The following CLIC5 variants were observed in gnomAD, a reference collection of about 807,000 sequenced individuals.
The protein encoded by CLIC5 is CLIC family member 5, also known as chloride intracellular channel protein 5.
In CLIC5, 20 loss-of-function variants were observed where a neutral mutation model predicts 24.7. The observed-to-expected ratio is 0.81, with a 90% CI of 0.57 to 1.18. CLIC5 has a LOEUF of 1.18. Among genes scored for constraint, CLIC5 ranks in the 50% most tolerant of loss-of-function variants. The probability of loss-of-function intolerance (pLI) is 0.00; values close to 1 mark genes in which losing one functional copy is unlikely to be tolerated. For missense variants in CLIC5, 341 were observed against 326.1 expected, an observed-to-expected ratio of 1.05 and a Z score of -0.35; for synonymous variants, 159 against 135.6, an observed-to-expected ratio of 1.17 and a Z score of -1.20.
At chr6:46,022,785 C>T (rs904382613) in intron 1 of CLIC5, among the ~76,000 whole-genome samples, 8 of 152,148 alleles carry the variant, frequency 5.3e-5, no homozygotes, top group African/African-American at 1.4e-4. Context: ...CCAGTGTTTT[C>T]GGGGTGTCTA....
At chr6:45,914,153 G>T in intron 5 of CLIC5, 75 bp downstream of exon 5, 3 of 1,280,970 alleles carry the variant, frequency 2.3e-6, no homozygotes, top group Non-Finnish European at 3.1e-6. Context: ...TACTGTCCTT[G>T]ACTCATCCAC....
intron 1 of CLIC5, among the ~76,000 whole-genome samples, chr6:45,984,366 G>A (rs1370533591): frequency 1.3e-5 from 2 of 152,120 alleles, no homozygotes; most frequent in Admixed American, 1.3e-4. Context: ...TCACCATGTT[G>A]GGGTGGAAGG....
chr6:45,957,077 G>C (rs573112818), intron 1 of CLIC5, among the ~76,000 whole-genome samples: 61 of 152,224 alleles, frequency 4.0e-4, no homozygotes, highest in African/African-American at 1.4e-3. Flanking sequence ...GCCAGTTATG[G>C]TGGAAGTAAC....
chr6:46,101,385 T>A, the CLIC5 span, among the ~76,000 whole-genome samples: 1 of 152,196 alleles, frequency 6.6e-6, no homozygotes, highest in Admixed American at 6.5e-5. Flanking sequence ...TACAATAAAT[T>A]TAAAGACCTT....
chr6:46,082,565 T>A (rs1195313163), upstream of CLIC5, among the ~76,000 whole-genome samples: 3 of 152,244 alleles, frequency 2.0e-5, no homozygotes, highest in African/African-American at 7.2e-5. Flanking sequence ...TTGAGCCTTG[T>A]TTCTATACCT....
the CLIC5 span, among the ~76,000 whole-genome samples, chr6:46,125,262 T>G: frequency 6.6e-6 from 1 of 152,196 alleles, no homozygotes; most frequent in Non-Finnish European, 1.5e-5. Flanking sequence ...AATAATGAGT[T>G]CATGTCCTTT....
chr6:46,042,908 A>G (rs1767847795), intron 1 of CLIC5, among the ~76,000 whole-genome samples: 1 of 152,204 alleles, frequency 6.6e-6, no homozygotes, highest in Non-Finnish European at 1.5e-5. Context: ...CTCCCTCAAC[A>G]GGTAAAACAC....
At chr6:46,018,447 C>A (rs1767082598), upstream of CLIC5, among the ~76,000 whole-genome samples, 1 of 152,110 alleles carries the variant, frequency 6.6e-6, no homozygotes, top group Non-Finnish European at 1.5e-5. Flanking sequence ...TTTGGACATC[C>A]CTGCAGATAA....
intron 5 of CLIC5, chr6:45,912,264 TA>T (rs1459351723): frequency 1.0e-6 from 1 of 992,576 alleles, no homozygotes; most frequent in Non-Finnish European, 1.2e-6. Context: ...TCCAAAGAGA[TA>T]GGGGCCAAGG....
intron 1 of CLIC5, among the ~76,000 whole-genome samples, chr6:46,070,221 A>G (rs954063625): frequency 1.3e-4 from 20 of 152,202 alleles, no homozygotes; most frequent in African/African-American, 4.8e-4. Flanking sequence ...AGTTCTTGCC[A>G]GAACAATCAG....
intron 2 of CLIC5, among the ~76,000 whole-genome samples, chr6:45,954,883 C>A (rs1283367729): frequency 1.3e-5 from 2 of 152,200 alleles, no homozygotes. Flanking sequence ...AGTTGCAATG[C>A]CATTGTCCAT....
intron 1 of CLIC5, among the ~76,000 whole-genome samples, chr6:46,033,857 A>G (rs1056304941): frequency 6.6e-6 from 1 of 152,128 alleles, no homozygotes; most frequent in Non-Finnish European, 1.5e-5. Context: ...TCAACATTTG[A>G]CTCTTAAATG....
intron 1 of CLIC5, among the ~76,000 whole-genome samples, chr6:45,962,614 T>C (rs753856971): frequency 1.3e-5 from 2 of 152,186 alleles, no homozygotes; most frequent in Non-Finnish European, 2.9e-5. Flanking sequence ...AATATTTTAC[T>C]TGATTCAGGT....
chr6:46,000,258 C>T (rs1581845221), intron 1 of CLIC5, among the ~76,000 whole-genome samples: 1 of 152,256 alleles, frequency 6.6e-6, no homozygotes, highest in South Asian at 2.1e-4. Context: ...GTCAGTGCCC[C>T]TAACCTCCAC....
intron 1 of CLIC5, among the ~76,000 whole-genome samples, chr6:46,013,053 G>A (rs936472338): frequency 4.6e-5 from 7 of 152,156 alleles, no homozygotes; most frequent in Admixed American, 2.0e-4. Context: ...ACAATTACAT[G>A]TCATTGTGAA....
At chr6:45,885,845 A>T (rs191125629) in intron 6 of CLIC5, among the ~76,000 whole-genome samples, 1 of 152,316 alleles carries the variant, frequency 6.6e-6, no homozygotes, top group Non-Finnish European at 1.5e-5. Flanking sequence ...ATTCCACAGC[A>T]GGAAGCTTCA....
At chr6:45,910,683 C>T (rs556557702) in intron 5 of CLIC5, among the ~76,000 whole-genome samples, 67 of 152,286 alleles carry the variant, frequency 4.4e-4, no homozygotes, top group African/African-American at 1.5e-3. Context: ...CCTCATGTTC[C>T]AGCCATTAAT....
At chr6:45,960,304 A>C (rs1486907001) in intron 1 of CLIC5, among the ~76,000 whole-genome samples, 1 of 152,248 alleles carries the variant, frequency 6.6e-6, no homozygotes, top group African/African-American at 2.4e-5. Context: ...ACCAGATGAC[A>C]TTGAAGCTTG....
intron 1 of CLIC5, among the ~76,000 whole-genome samples, chr6:46,052,538 G>C (rs1768132349): frequency 6.6e-6 from 1 of 152,226 alleles, no homozygotes; most frequent in African/African-American, 2.4e-5. Context: ...TAAACCCTAA[G>C]GTAGGTACAG....
Sources: gnomAD v4.1 joint callset for allele counts (sites outside exome capture counted in the v4.1 genomes callset) on GRCh38, gnomAD v4.1.1 for gene constraint, MANE v1.5 for transcripts, NCBI Gene and HGNC (gene_info 2026-07-23, HGNC 2026-07-21) for gene names.